SLC38A4: variants seen among roughly 807,000 people sequenced by gnomAD.
The protein encoded by SLC38A4 is sodium-coupled neutral amino acid transporter 4.
A neutral mutation model predicts 63.1 loss-of-function variants in SLC38A4; 20 were observed. The ratio of observed to expected loss-of-function variants is 0.32; its 90% CI spans 0.22 to 0.46. The LOEUF (loss-of-function observed/expected upper bound fraction) is 0.46. Ranked by LOEUF, SLC38A4 falls within the 20% of genes least tolerant of loss-of-function variation. The pLI is 1.00. For synonymous variants in SLC38A4, 230 were observed against 225.5 expected, an observed-to-expected ratio of 1.02 and a Z score of -0.18; for missense variants, 526 against 663.6, an observed-to-expected ratio of 0.79 and a Z score of 2.28.
chr12:46,766,784 C>G lies in SLC38A4; in HGVS notation c.1561G>C (p.Val521Leu). 6.2e-7 allele frequency: 1 copy of G among 1,610,304 alleles called. No individual in the cohort carries two copies. Among genetic ancestry groups the G allele is most frequent in the Non-Finnish European group, 8.5e-7 (1 of 1,177,720 alleles). ...QKVGALIFLV[V>L]GIFFMIGSMA... is the part of the protein sequence containing the mutation. ...CTTCCAATCATGAAGAATATTCCAA[C>G]CACAAGGAAAATTAAAGCCTGTAAT... The change falls in exon 17 of 17, where the codon GTT (valine) becomes CTT (leucine). Residue 521 changes from valine (V) to leucine (L), a missense_variant. Coordinates refer to ENST00000266579, the MANE Select transcript of SLC38A4 (RefSeq NM_018018.5).
chr12:46,811,200 C>A (rs751329734), intron 1 of SLC38A4, among the ~76,000 whole-genome samples: 4 of 151,848 alleles, frequency 2.6e-5, no homozygotes, highest in Non-Finnish European at 5.9e-5. Flanking sequence ...AATAAAAGAC[C>A]CAATCTCTCC....
Position 46,777,006 on chromosome 12 carries a change from TG to T in SLC38A4, c.1074-3del, listed in dbSNP as rs759580046. On this transcript the variant is annotated splice_region_variant and splice_polypyrimidine_tract_variant and intron_variant, in intron 12 of 16. Coordinates refer to ENST00000266579, the MANE Select transcript of SLC38A4 (RefSeq NM_018018.5). The stretch of plus-strand genomic sequence containing the variant: ...GTTTGCATTTTTCTCCGGGACCGAC[TG>T]GAAAAAGAAAGAACACCAAGCTTTG... 1 of 1,608,504 alleles carries T rather than the reference TG, an allele frequency of 6.2e-7. No homozygotes were observed. Among genetic ancestry groups the T allele is most frequent in the Non-Finnish European group, 8.5e-7 (1 of 1,177,070 alleles).
chr12:46,821,176 C>T (rs1939538515), intron 1 of SLC38A4, among the ~76,000 whole-genome samples: 2 of 151,912 alleles, frequency 1.3e-5, no homozygotes, highest in Non-Finnish European at 2.9e-5. Flanking sequence ...TGTAGTACTG[C>T]GTGTCTATTT....
rs756151783 is a variant in SLC38A4, at chr12:46,776,959, C to T, written c.1119G>A (p.Thr373=). The T allele has an allele frequency of 5.0e-5, 80 of 1,611,748 alleles. No individual in the cohort carries two copies. Among genetic ancestry groups the T allele is most frequent in the Middle Eastern group, 1.6e-4 (1 of 6,064 alleles). The change falls in exon 13 of 17, where the codon ACG becomes ACA. Residue 373 remains threonine (T), a synonymous_variant. Transcript: ENST00000266579. ...CAAGCAGGTACATGACAAGCATCCC[C>T]GTGATGGAAATATTTGACACCGTTT... ...KMQTVSNISI[T]GMLVMYLLAA... is the part of the protein sequence containing the mutation.
At chr12:46,772,206 A>G (rs952281311) in intron 14 of SLC38A4, among the ~76,000 whole-genome samples, 4 of 152,058 alleles carry the variant, frequency 2.6e-5, no homozygotes, top group Middle Eastern at 3.4e-3. Flanking sequence ...TGCTTAAGGC[A>G]AGGATGTTGG....
At chr12:46,818,667 C>G (rs561178019) in intron 1 of SLC38A4, among the ~76,000 whole-genome samples, 3 of 151,988 alleles carry the variant, frequency 2.0e-5, no homozygotes, top group Admixed American at 6.6e-5. Context: ...TGCCCCCTCT[C>G]CCATTATTTT....
At chr12:46,809,140 C>G (rs367746336) in intron 1 of SLC38A4, among the ~76,000 whole-genome samples, 1 of 151,882 alleles carries the variant, frequency 6.6e-6, no homozygotes, top group Non-Finnish European at 1.5e-5. Flanking sequence ...TTTGGACTTT[C>G]GGTAGTTTAA....
At chr12:46,815,542 A>AT (rs1939427027) in intron 1 of SLC38A4, among the ~76,000 whole-genome samples, 1 of 151,670 alleles carries the variant, frequency 6.6e-6, no homozygotes, top group Non-Finnish European at 1.5e-5. Flanking sequence ...ATGGCCTGGG[A>AT]TAGAGTAAGA....
In SLC38A4 at chr12:46,765,709, C is replaced by T. The variant is rs1206857767; in HGVS notation, c.*992G>A. 1 of 182,644 alleles carries T rather than the reference C, an allele frequency of 5.5e-6. No homozygotes were observed. Among genetic ancestry groups the T allele is most frequent in the Non-Finnish European group, 1.2e-5 (1 of 85,460 alleles). 11.3% of individuals were successfully genotyped at this position (182,644 alleles called of 1,614,324 possible). A position where few individuals can be genotyped will look rare whatever the true frequency, so the allele number is the denominator to read the frequency against. ...TGTAAAAAATAAAAATCAAATGTACCTTACATTAACATTCTGATGACTACA... is the reference window on the plus strand; with the variant it reads ...TGTAAAAAATAAAAATCAAATGTACTTTACATTAACATTCTGATGACTACA... On this transcript the variant is annotated 3_prime_UTR_variant, in exon 17 of 17. Transcript: ENST00000266579.
At chr12:46,811,416 G>A (rs1939338075) in intron 1 of SLC38A4, among the ~76,000 whole-genome samples, 1 of 151,916 alleles carries the variant, frequency 6.6e-6, no homozygotes, top group African/African-American at 2.4e-5. Context: ...AAATGCGATG[G>A]GGAGCAGACT....
At chr12:46,783,051 T>TGTGTGTGTGTGTGTGTGTGTGTGTGC in intron 7 of SLC38A4, among the ~76,000 whole-genome samples, 1 of 141,092 alleles carries the variant, frequency 7.1e-6, no homozygotes, top group Middle Eastern at 3.5e-3. Flanking sequence ...TGTGTGTGTG[T>TGTGTGTGTGTGTGTGTGTGTGTGTGC]GTGTGTGTTA....
At chr12:46,772,982 A>T (rs768325260) in intron 14 of SLC38A4, among the ~76,000 whole-genome samples, 20 of 152,082 alleles carry the variant, frequency 1.3e-4, no homozygotes, top group Non-Finnish European at 5.9e-5. Context: ...CTGAGCCCTA[A>T]GTTATACGAA....
chr12:46,773,952 T>C (rs1369327065), intron 14 of SLC38A4, among the ~76,000 whole-genome samples: 1 of 152,078 alleles, frequency 6.6e-6, no homozygotes, highest in East Asian at 1.9e-4. Context: ...TCAGTGAAGT[T>C]GTTTGCCTGG....
intron 1 of SLC38A4, among the ~76,000 whole-genome samples, chr12:46,820,958 G>T (rs1440376810): frequency 6.6e-6 from 1 of 151,850 alleles, no homozygotes; most frequent in Non-Finnish European, 1.5e-5. Context: ...TATACCTGTT[G>T]GCCATTCGTA....
intron 1 of SLC38A4, among the ~76,000 whole-genome samples, chr12:46,814,252 T>G (rs1939393138): frequency 6.6e-6 from 1 of 152,010 alleles, no homozygotes; most frequent in Non-Finnish European, 1.5e-5. Context: ...GTTATACTAT[T>G]GGTTGGCACT....
intron 5 of SLC38A4, 101 bp from the exon 6 acceptor site, chr12:46,785,278 T>TCAGCTTTC: frequency 2.1e-6 from 2 of 950,712 alleles, no homozygotes; most frequent in Non-Finnish European, 3.2e-6. Flanking sequence ...TTTTCAATCA[T>TCAGCTTTC]CAGCTTTCCA....
upstream of SLC38A4, among the ~76,000 whole-genome samples, chr12:46,827,792 G>C: frequency 6.6e-6 from 1 of 151,936 alleles, no homozygotes; most frequent in Non-Finnish European, 1.5e-5. Flanking sequence ...CAAATGGAAA[G>C]ATAAGACTTT....
chr12:46,816,561 C>T (rs569661895), intron 1 of SLC38A4, among the ~76,000 whole-genome samples: 2 of 151,904 alleles, frequency 1.3e-5, no homozygotes, highest in Admixed American at 6.6e-5. Context: ...AATAAAAATA[C>T]GGGCAGCTGA....
At chr12:46,793,662 A>C (rs1938939894) in intron 2 of SLC38A4, among the ~76,000 whole-genome samples, 1 of 152,308 alleles carries the variant, frequency 6.6e-6, no homozygotes, top group South Asian at 2.1e-4. Flanking sequence ...GAAAGAATTA[A>C]CACCACCAAA....
Sources: allele counts gnomAD v4.1 joint callset (sites outside exome capture counted in the v4.1 genomes callset), GRCh38; gene constraint gnomAD v4.1.1; transcripts MANE v1.5; gene names NCBI Gene and HGNC (gene_info 2026-07-23, HGNC 2026-07-21).